The following SERPINA9 variants were observed in gnomAD, a reference collection of about 807,000 sequenced individuals.
SERPINA9 encodes the protein serpin family A member 9.
SERPINA9 carries 32 observed loss-of-function variants against 24.5 expected under a neutral mutation model. That is an observed-to-expected ratio of 1.30 (90% CI 0.98 to 1.75). The LOEUF (loss-of-function observed/expected upper bound fraction) is 1.75, where lower values mean the gene tolerates loss of function less well. SERPINA9 is among the 40% of genes most tolerant of loss of function. The pLI is 0.00. For missense variants in SERPINA9, 594 were observed against 497.1 expected (o/e 1.19, Z -1.85); for synonymous variants, 233 against 197.7 (o/e 1.18, Z -1.50).
In SERPINA9 at chr14:94,469,291, G is replaced by A. The variant is rs78283108; in HGVS notation, c.550C>T (p.Gln184Ter). ...TGGATTATGTCTACAACCTTCCCTT[G>A]GGTCTTCTTTTTCACATGGCTGTTG... is the stretch of plus-strand genomic sequence containing the variant. Reference protein sequence around the residue: ...RINSHVKKKTQGKVVDIIQGL... With the variant: ...RINSHVKKKT Residue 184 changes from glutamine to a stop codon, truncating the protein, a stop_gained, in exon 2 of 5, where the codon CAA (glutamine) becomes TAA (stop). Transcript: ENST00000674397. LOFTEE classifies it high-confidence loss of function. 3.9e-3 allele frequency: 6,267 copies of A among 1,614,142 alleles called. 120 individuals are homozygous for A. In the African/African-American group the frequency reaches 0.055, roughly 14 times the overall value.
Position 94,467,103 on chromosome 14 carries a change from G to A in SERPINA9, c.902+6C>T, listed in dbSNP as rs1474825663. 2.1e-5 allele frequency: 34 copies of A among 1,612,204 alleles called. No individual in the cohort carries two copies. Among genetic ancestry groups the A allele is most frequent in the Non-Finnish European group, 2.9e-5 (34 of 1,178,886 alleles). ...CAGGGCCCAGGAGATTGACACAGAT[G>A]CCCACCTTTTCTGGAGTGAGTGGCT... On this transcript the variant is annotated splice_donor_region_variant and intron_variant, in intron 3 of 4. Transcript: ENST00000674397.
At chr14:94,475,557 A>G (rs1899567373) in intron 1 of SERPINA9, among the ~76,000 whole-genome samples, 1 of 152,014 alleles carries the variant, frequency 6.6e-6, no homozygotes, top group South Asian at 2.1e-4. Flanking sequence ...CTCTCTGCCT[A>G]TCCCTACTTT....
At chr14:94,465,042 A>G (rs976777081) in intron 3 of SERPINA9, among the ~76,000 whole-genome samples, 188 bp from the exon 4 acceptor site, 10 of 152,210 alleles carry the variant, frequency 6.6e-5, no homozygotes, top group Non-Finnish European at 1.3e-4. Context: ...GAGCAGGTCC[A>G]GCACTAAAAA....
Position 94,463,176 on chromosome 14 carries a change from T to C in SERPINA9, c.1171A>G (p.Arg391Gly), listed in dbSNP as rs1259466119. 1 of 1,613,982 alleles carries C rather than the reference T, an allele frequency of 6.2e-7. No individual in the cohort carries two copies. Among genetic ancestry groups the C allele is most frequent in the Admixed American group, 1.7e-5 (1 of 60,008 alleles). Residue 391 changes from arginine to glycine, a missense_variant, in exon 5 of 5, where the codon AGG (arginine) becomes GGG (glycine). Coordinates refer to ENST00000674397, the MANE Select transcript of SERPINA9 (RefSeq NM_175739.4). Reference protein sequence around the residue: ...GPSYFTVSFNRTFLMMITNKA... With the variant: ...GPSYFTVSFNGTFLMMITNKA... ...TTTGTAATCATCATCAGGAAGGTCC[T>C]ATTGAAGGAGACAGTGAAGTAAGAG...
Position 94,463,156 on chromosome 14 carries a change from A to G in SERPINA9, c.1191T>C (p.Ile397=). The change falls in exon 5 of 5, where the codon ATT becomes ATC. Residue 397 remains isoleucine, a synonymous_variant. Transcript: ENST00000674397. The part of the protein sequence containing the change: ...VSFNRTFLMM[I]TNKATDGILF... ...GAATACCGTCTGTGGCTTTATTTGT[A>G]ATCATCATCAGGAAGGTCCTATTGA... is the stretch of plus-strand genomic sequence containing the variant. 1 of 1,614,182 alleles carries G rather than the reference A, an allele frequency of 6.2e-7. No homozygotes were observed.
At chr14:94,467,009 C>G in intron 3 of SERPINA9, 100 bp downstream of exon 3, 2 of 1,356,780 alleles carry the variant, frequency 1.5e-6, no homozygotes, top group Non-Finnish European at 2.0e-6. Context: ...GCTCACTGTG[C>G]AGAAGTGATT....
intron 1 of SERPINA9, among the ~76,000 whole-genome samples, chr14:94,473,239 G>A (rs1297032105): frequency 1.3e-5 from 2 of 152,230 alleles, no homozygotes; most frequent in Admixed American, 1.3e-4. Flanking sequence ...CAGAACTGGG[G>A]TGGTGGCTGG....
chr14:94,467,262 A>G lies in SERPINA9; in HGVS notation c.749T>C (p.Val250Ala). 3.1e-6 allele frequency: 5 copies of G among 1,614,148 alleles called. No individual in the cohort carries two copies. The highest frequency in any genetic ancestry group is 4.2e-6 in the Non-Finnish European group (5 of 1,180,030). ...CACAAAGCAGTTCAGCTCTGTATCC[A>G]CCCCAAAAGCGAACTGCTCTTTCTG... ...MHQKEQFAFGVDTELNCFVLQ... is the reference protein window; with the variant it reads ...MHQKEQFAFGADTELNCFVLQ... Residue 250 changes from valine (V) to alanine (A), a missense_variant, in exon 3 of 5, where the codon GTG becomes GCG. Val to Ala is a moderately conservative substitution (Grantham distance 64). Transcript: ENST00000674397.
At chr14:94,463,879 A>G (rs903893931) in intron 4 of SERPINA9, among the ~76,000 whole-genome samples, 1 of 152,166 alleles carries the variant, frequency 6.6e-6, no homozygotes, top group African/African-American at 2.4e-5. Flanking sequence ...CCTCGAGAAA[A>G]TGTCCATTAT....
At position 94,469,406 on chromosome 14, in the gene SERPINA9, C is replaced by G; in HGVS notation, c.435G>C (p.Gln145His). 1 of 1,613,988 alleles carries G rather than the reference C, an allele frequency of 6.2e-7. No individual in the cohort carries two copies. Among genetic ancestry groups the G allele is most frequent in the African/African-American group, 1.3e-5 (1 of 74,838 alleles). ...ALFVKKELQLQANFLGNVKRL... is the reference protein window; with the variant it reads ...ALFVKKELQLHANFLGNVKRL... Reference sequence around the variant, plus strand: ...TCTTGACATTGCCCAAGAAATTTGCCTGCAGCTGCAGCTCCTTCTTGACGA... The same window carrying G: ...TCTTGACATTGCCCAAGAAATTTGCGTGCAGCTGCAGCTCCTTCTTGACGA... The change falls in exon 2 of 5, where the codon CAG becomes CAC. Residue 145 changes from glutamine to histidine, a missense_variant. Transcript: ENST00000674397.
At chr14:94,466,671 A>C (rs1203838215) in intron 3 of SERPINA9, among the ~76,000 whole-genome samples, 1 of 152,208 alleles carries the variant, frequency 6.6e-6, no homozygotes, top group East Asian at 1.9e-4. Context: ...TCTTCTAAGC[A>C]CTTTGTAAGT....
At chr14:94,468,299 T>A (rs1264887514) in intron 2 of SERPINA9, among the ~76,000 whole-genome samples, 1 of 152,084 alleles carries the variant, frequency 6.6e-6, no homozygotes, top group Non-Finnish European at 1.5e-5. Flanking sequence ...GATGGCTGGC[T>A]GGTTGGTTAG....
intron 1 of SERPINA9, among the ~76,000 whole-genome samples, chr14:94,473,519 CAAAA>C (rs60938632): frequency 5.6e-4 from 46 of 82,790 alleles, no homozygotes; most frequent in African/African-American, 1.6e-3. Flanking sequence ...AACTCTGTCT[CAAAA>C]AAAAAAAAAA....
chr14:94,473,972 T>C (rs1899450791), intron 1 of SERPINA9, among the ~76,000 whole-genome samples: 1 of 152,250 alleles, frequency 6.6e-6, no homozygotes, highest in South Asian at 2.1e-4. Context: ...ATCCAGCCCA[T>C]GGTGGGCAGG....
rs755841892 is a variant in SERPINA9, at chr14:94,469,672, G to A, written c.169C>T (p.Arg57Cys). Reference sequence around the variant, plus strand: ...CTCGGGGTCTCCAAAACCAGCCTGCGGTATAGGCGGAAGGCAAAGTCGGTG... The same window carrying A: ...CTCGGGGTCTCCAAAACCAGCCTGCAGTATAGGCGGAAGGCAAAGTCGGTG... ...LNTDFAFRLY[R>C]RLVLETPSQN... Residue 57 changes from arginine to cysteine, a missense_variant, in exon 2 of 5, where the codon CGC (arginine) becomes TGC (cysteine). Arg to Cys is a radical substitution (Grantham distance 180). Coordinates refer to ENST00000674397, the MANE Select transcript of SERPINA9 (RefSeq NM_175739.4). 1.1e-5 allele frequency: 18 copies of A among 1,613,710 alleles called. No homozygotes were observed. Among genetic ancestry groups the A allele is most frequent in the Admixed American group, 6.7e-5 (4 of 59,992 alleles).
At chr14:94,470,582 C>G (rs1899262978) in intron 1 of SERPINA9, among the ~76,000 whole-genome samples, 2 of 152,236 alleles carry the variant, frequency 1.3e-5, no homozygotes, top group Admixed American at 1.3e-4. Context: ...GAATCTAACC[C>G]TGACATTCGT....
intron 4 of SERPINA9, 88 bp from the exon 5 acceptor site, chr14:94,463,384 A>G: frequency 8.7e-7 from 1 of 1,144,170 alleles, no homozygotes; most frequent in Non-Finnish European, 1.3e-6. Context: ...TTGCCCTGGA[A>G]TGGTGATGTC....
chr14:94,463,755 T>C (rs961039583), intron 4 of SERPINA9, among the ~76,000 whole-genome samples: 2 of 152,204 alleles, frequency 1.3e-5, no homozygotes, highest in African/African-American at 4.8e-5. Context: ...GATCCCTTCT[T>C]TGTCTTCTAG....
chr14:94,463,807 C>T (rs566593509), intron 4 of SERPINA9, among the ~76,000 whole-genome samples: 1 of 152,282 alleles, frequency 6.6e-6, no homozygotes, highest in Admixed American at 6.5e-5. Flanking sequence ...TTCTAAGCTT[C>T]AGGGAGGCTT....
Sources: allele counts gnomAD v4.1 joint callset (sites outside exome capture counted in the v4.1 genomes callset), GRCh38; gene constraint gnomAD v4.1.1; transcripts MANE v1.5; gene names NCBI Gene and HGNC (gene_info 2026-07-23, HGNC 2026-07-21).